L3MBTL3: variants seen among roughly 807,000 people sequenced by gnomAD.
L3MBTL3 encodes the protein L3MBTL histone methyl-lysine binding protein 3.
L3MBTL3 carries 27 observed loss-of-function variants against 102.3 expected under a neutral mutation model. That is an observed-to-expected ratio of 0.26 (90% confidence interval 0.19 to 0.36). The LOEUF is 0.36. Ranked by LOEUF, L3MBTL3 falls within the 10% of genes least tolerant of loss-of-function variation. The pLI is 1.00. For synonymous variants in L3MBTL3, 340 were observed against 320.9 expected, an observed-to-expected ratio of 1.06 and a Z score of -0.64; for missense variants, 798 against 955.3, an observed-to-expected ratio of 0.84 and a Z score of 2.17.
intron 19 of L3MBTL3, among the ~76,000 whole-genome samples, chr6:130,108,655 TGGG>T (rs1054555267): frequency 1.3e-5 from 2 of 151,914 alleles, no homozygotes; most frequent in African/African-American, 2.4e-5. Flanking sequence ...TTTTTTTTGG[TGGG>T]GGGAGGATTT....
At chr6:130,069,093 C>T (rs1203250259) in intron 12 of L3MBTL3, among the ~76,000 whole-genome samples, 3 of 152,156 alleles carry the variant, frequency 2.0e-5, no homozygotes, top group Non-Finnish European at 4.4e-5. Context: ...AAGCTTGATT[C>T]TGAGCCCTAG....
At chr6:130,065,126 A>G (rs907774461) in intron 10 of L3MBTL3, among the ~76,000 whole-genome samples, 3 of 152,162 alleles carry the variant, frequency 2.0e-5, no homozygotes, top group African/African-American at 4.8e-5. Context: ...TGTATGTGGT[A>G]TATCAATACA....
chr6:130,099,346 G>T (rs183965915), intron 18 of L3MBTL3, among the ~76,000 whole-genome samples: 1 of 152,114 alleles, frequency 6.6e-6, no homozygotes, highest in African/African-American at 2.4e-5. Context: ...TATGTGGTAA[G>T]CCACACCTTA....
Position 130,077,451 on chromosome 6 carries a change from A to G in L3MBTL3, c.1245-1107A>G, listed in dbSNP as rs527704157. Among the ~76,000 whole-genome samples the G allele has an allele frequency of 2.6e-4, 40 of 152,308 alleles. 1 individual carries two copies. In the South Asian group the frequency reaches 8.1e-3, roughly 31 times the overall value. ...AAAAATAGTTTGTGGTAGAAACAGTATGAGATAACAACTGAATAAAGGAAG... is the reference window on the plus strand; with the variant it reads ...AAAAATAGTTTGTGGTAGAAACAGTGTGAGATAACAACTGAATAAAGGAAG... On this transcript the variant is annotated intron_variant, in intron 13 of 22. Transcript: ENST00000361794.
At chr6:130,074,337 A>G (rs1370342203) in intron 13 of L3MBTL3, among the ~76,000 whole-genome samples, 1 of 152,242 alleles carries the variant, frequency 6.6e-6, no homozygotes, top group Non-Finnish European at 1.5e-5. Context: ...AAAGGAAAAT[A>G]GCATATATTA....
chr6:130,104,801 AT>A (rs570862809), intron 19 of L3MBTL3, among the ~76,000 whole-genome samples: 225 of 144,840 alleles, frequency 1.6e-3, no homozygotes, highest in Non-Finnish European at 1.4e-3. Context: ...TCTCTGACTC[AT>A]TTTTTTTTTT....
chr6:130,094,387 C>T lies in L3MBTL3; in HGVS notation c.1736+20C>T, dbSNP rs1342713328. On this transcript the variant is annotated intron_variant, in intron 18 of 22. Coordinates refer to ENST00000361794, the MANE Select transcript of L3MBTL3 (RefSeq NM_032438.4). ...TCACAGGTATGTGGTAGCTGTCACT[C>T]ACTTGGTCAGATATAGGTGTTCCAT... 1 of 1,568,174 alleles carries T rather than the reference C, an allele frequency of 6.4e-7. No individual in the cohort carries two copies. The highest frequency in any genetic ancestry group is 8.8e-7 in the Non-Finnish European group (1 of 1,139,132).
chr6:130,053,965 C>T (rs563441315), intron 7 of L3MBTL3, among the ~76,000 whole-genome samples: 94 of 152,250 alleles, frequency 6.2e-4, no homozygotes, highest in African/African-American at 2.1e-3. Flanking sequence ...ACAAAATGAA[C>T]AGGAGAAATG....
intron 10 of L3MBTL3, among the ~76,000 whole-genome samples, chr6:130,061,082 CTTTTT>C (rs146750598): frequency 2.6e-5 from 3 of 114,158 alleles, no homozygotes; most frequent in African/African-American, 3.0e-5. Flanking sequence ...TCTGTTAGCT[CTTTTT>C]TTTTTTTTTT....
chr6:130,087,842 GT>G (rs1223731542), intron 16 of L3MBTL3, among the ~76,000 whole-genome samples: 26 of 144,030 alleles, frequency 1.8e-4, no homozygotes, highest in Admixed American at 2.1e-4. Flanking sequence ...ATCTGCTGTT[GT>G]TTTTTTTTTT....
At position 130,139,777 on chromosome 6, in the gene L3MBTL3, C is replaced by G. The variant is rs1356592778; in HGVS notation, c.*24C>G. ...GAAGATGGTGAATTCTGAATACCAT[C>G]AGCATTCTGCTTTAAAGCTCATGTT... On this transcript the variant is annotated 3_prime_UTR_variant, in exon 23 of 23. Coordinates refer to ENST00000361794, the MANE Select transcript of L3MBTL3 (RefSeq NM_032438.4). 1 of 1,607,326 alleles carries G rather than the reference C, an allele frequency of 6.2e-7. No homozygotes were observed. The highest frequency in any genetic ancestry group is 8.5e-7 in the Non-Finnish European group (1 of 1,176,238).
chr6:130,064,993 G>T (rs897718580), intron 10 of L3MBTL3, among the ~76,000 whole-genome samples: 6 of 152,090 alleles, frequency 3.9e-5, no homozygotes, highest in Non-Finnish European at 7.4e-5. Flanking sequence ...GCATGGGGTG[G>T]CTGTAGGGAG....
Position 130,083,619 on chromosome 6 carries a change from G to T in L3MBTL3, c.1322-1G>T. The T allele has an allele frequency of 7.0e-7, 1 of 1,438,756 alleles. No homozygotes were observed. The highest frequency in any genetic ancestry group is 1.3e-5 in the South Asian group (1 of 78,048). The allele number at this position is 1,438,756 out of a possible 1,614,324, so 89.1% of individuals were successfully genotyped here. A position where few individuals can be genotyped will look rare whatever the true frequency, so the allele number is the denominator to read the frequency against. On this transcript the variant is annotated splice_acceptor_variant, in intron 14 of 22. Transcript: ENST00000361794. LOFTEE classifies it high-confidence loss of function. ...ATAGGATTTACATTTTTCTTTCTTAGGTTATCCAAATGTGAAACATTTTTC... is the reference window on the plus strand; with the variant it reads ...ATAGGATTTACATTTTTCTTTCTTATGTTATCCAAATGTGAAACATTTTTC...
intron 19 of L3MBTL3, among the ~76,000 whole-genome samples, chr6:130,112,427 T>C (rs941671885): frequency 1.3e-5 from 2 of 152,312 alleles, no homozygotes; most frequent in Non-Finnish European, 2.9e-5. Flanking sequence ...ATTCCAGATA[T>C]GTAAGGAGTG....
intron 1 of L3MBTL3, among the ~76,000 whole-genome samples, chr6:130,020,163 G>T (rs1279378980): frequency 6.6e-6 from 1 of 151,054 alleles, no homozygotes; most frequent in Non-Finnish European, 1.5e-5. Flanking sequence ...GCGTGTGTGT[G>T]CGGTTCCGGA....
intron 12 of L3MBTL3, among the ~76,000 whole-genome samples, chr6:130,069,634 G>C (rs1430404202): frequency 6.6e-6 from 1 of 152,208 alleles, no homozygotes; most frequent in Admixed American, 6.5e-5. Context: ...TCCCAGGGAG[G>C]AAGGTCAGTT....
At chr6:130,057,677 C>T (rs1034327152) in intron 9 of L3MBTL3, among the ~76,000 whole-genome samples, 180 bp downstream of exon 9, 1 of 152,168 alleles carries the variant, frequency 6.6e-6, no homozygotes, top group Non-Finnish European at 1.5e-5. Context: ...CCATGTGCCA[C>T]ACATGTGCCA....
chr6:130,102,446 C>T (rs1209730252), intron 18 of L3MBTL3, among the ~76,000 whole-genome samples: 1 of 152,204 alleles, frequency 6.6e-6, no homozygotes, highest in African/African-American at 2.4e-5. Flanking sequence ...TTAAAATCTT[C>T]TCTCCAAAAG....
chr6:130,066,114 G>T (rs574958281), intron 10 of L3MBTL3, among the ~76,000 whole-genome samples: 12 of 152,126 alleles, frequency 7.9e-5, no homozygotes, highest in Non-Finnish European at 1.5e-4. Flanking sequence ...CTATCCGTGT[G>T]GTTGTAATGT....
Sources: gnomAD v4.1 joint callset for allele counts (sites outside exome capture counted in the v4.1 genomes callset) on GRCh38, gnomAD v4.1.1 for gene constraint, MANE v1.5 for transcripts, NCBI Gene and HGNC (gene_info 2026-07-23, HGNC 2026-07-21) for gene names.